Variants in MET observed in about 807,000 individuals in gnomAD.
MET encodes MET proto-oncogene, receptor tyrosine kinase.
MET carries 48 observed loss-of-function variants against 133.1 expected under a neutral mutation model. The observed-to-expected ratio is 0.36, with a 90% CI of 0.29 to 0.46. MET has a LOEUF of 0.46. MET is among the 20% of genes least tolerant of loss of function. The probability of loss-of-function intolerance (pLI) is 1.00; values close to 1 mark genes in which losing one functional copy is unlikely to be tolerated. For missense variants in MET, 1,442 were observed against 1,695.9 expected, an observed-to-expected ratio of 0.85 and a Z score of 2.63; for synonymous variants, 628 against 616.5, an observed-to-expected ratio of 1.02 and a Z score of -0.28.
At chr7:116,765,136 C>T (rs1794572259) in intron 11 of MET, among the ~76,000 whole-genome samples, 1 of 151,828 alleles carries the variant, frequency 6.6e-6, no homozygotes, top group African/African-American at 2.4e-5. Flanking sequence ...CCCATCTCCA[C>T]TAAAAATACA....
chr7:116,740,758 T>C (rs1793412194), intron 4 of MET, 94 bp from the exon 5 acceptor site: 2 of 1,470,898 alleles, frequency 1.4e-6, no homozygotes, highest in African/African-American at 2.8e-5. Context: ...TTCCATCAAA[T>C]GATATTTACA....
chr7:116,755,211 T>C (rs772210094), intron 5 of MET, 144 bp from the exon 6 acceptor site: 21 of 990,376 alleles, frequency 2.1e-5, no homozygotes, highest in Non-Finnish European at 3.1e-5. Flanking sequence ...TTCCCTTTAG[T>C]GAAAATTAAA....
intron 14 of MET, 34 bp downstream of exon 14, chr7:116,772,023 A>G (rs1218953889): frequency 1.2e-6 from 2 of 1,609,184 alleles, no homozygotes; most frequent in Non-Finnish European, 1.7e-6. Flanking sequence ...AGAAATACCT[A>G]TACATATACC....
At chr7:116,777,348 A>G in intron 15 of MET, 41 bp from the exon 16 acceptor site, 1 of 1,461,426 alleles carries the variant, frequency 6.8e-7, no homozygotes, top group South Asian at 1.1e-5. Flanking sequence ...TTTCATAATT[A>G]AATGTTACGC....
chr7:116,782,403 G>A (rs1056495021), intron 18 of MET, among the ~76,000 whole-genome samples: 7 of 152,178 alleles, frequency 4.6e-5, no homozygotes, highest in Non-Finnish European at 7.3e-5. Context: ...TGTTGGGGAG[G>A]GAGAATTTGA....
At chr7:116,767,972 ATATGTG>A (rs1333592944) in intron 11 of MET, among the ~76,000 whole-genome samples, 4 of 124,520 alleles carry the variant, frequency 3.2e-5, no homozygotes, top group Admixed American at 8.0e-5. Context: ...ATATATATAT[ATATGTG>A]TGTGTGTGTG....
intron 6 of MET, 110 bp from the exon 7 acceptor site, chr7:116,757,327 A>C (rs1212794811): frequency 1.2e-6 from 1 of 850,654 alleles, no homozygotes; most frequent in Non-Finnish European, 2.0e-6. Flanking sequence ...TCTGCTTGCT[A>C]TTCAAAGCAG....
At position 116,759,413 on chromosome 7, in the gene MET, G is replaced by A. The variant is rs2116937873; in HGVS notation, c.2287G>A (p.Val763Ile). ...FISGGSTITG[V>I]GKNLNSVSVP... ...CAGTGGTGGGAGCACAATAACAGGT[G>A]TTGGGAAAAACCTGAATTCAGTTAG... The change falls in exon 10 of 21, where the codon GTT (valine) becomes ATT (isoleucine). Residue 763 changes from valine to isoleucine, a missense_variant. Transcript: ENST00000397752. The A allele has an allele frequency of 6.2e-7, 1 of 1,613,758 alleles. No individual in the cohort carries two copies. The highest frequency in any genetic ancestry group is 2.2e-5 in the East Asian group (1 of 44,860).
At chr7:116,723,539 T>C (rs1562897980) in intron 2 of MET, among the ~76,000 whole-genome samples, 1 of 152,236 alleles carries the variant, frequency 6.6e-6, no homozygotes, top group Non-Finnish European at 1.5e-5. Flanking sequence ...CTGCGTTCCT[T>C]TGGAGGAGGA....
At chr7:116,702,848 C>A (rs527561428) in intron 2 of MET, among the ~76,000 whole-genome samples, 1 of 152,078 alleles carries the variant, frequency 6.6e-6, no homozygotes, top group Non-Finnish European at 1.5e-5. Context: ...CCACCATGTG[C>A]AAAAAGTGTT....
At chr7:116,767,332 C>T (rs1479431690) in intron 11 of MET, among the ~76,000 whole-genome samples, 2 of 152,220 alleles carry the variant, frequency 1.3e-5, no homozygotes, top group African/African-American at 2.4e-5. Flanking sequence ...CCTGATATAG[C>T]ACATTGGGAG....
At chr7:116,724,098 G>C (rs944239713) in intron 2 of MET, 15 of 175,414 alleles carry the variant, frequency 8.6e-5, no homozygotes, top group African/African-American at 3.4e-4. Flanking sequence ...GCCGCCTTGC[G>C]GTTTGATCTC....
At position 116,755,425 on chromosome 7, in the gene MET, G is replaced by T. The variant is rs775965879; in HGVS notation, c.1772G>T (p.Arg591Leu). The change falls in exon 6 of 21, where the codon CGG (arginine) becomes CTG (leucine). Residue 591 changes from arginine to leucine, a missense_variant. Physicochemically the swap from Arg to Leu is moderately radical, Grantham distance 102. Coordinates refer to ENST00000397752, the MANE Select transcript of MET (RefSeq NM_000245.4). ...ATATGTGGCTGGGACTTTGGATTTC[G>T]GAGGAATAATAAATTTGATTTAAAG... ...LTICGWDFGF[R>L]RNNKFDLKKT... 1.2e-6 allele frequency: 2 copies of T among 1,614,000 alleles called. No homozygotes were observed. The highest frequency in any genetic ancestry group is 8.5e-7 in the Non-Finnish European group (1 of 1,179,998).
At chr7:116,741,067 G>GTTTTTTTTTTTTTTTTGTTTGGTT in intron 5 of MET, 42 bp downstream of exon 5, 1 of 1,348,786 alleles carries the variant, frequency 7.4e-7, no homozygotes, top group East Asian at 2.5e-5. Flanking sequence ...TTTGTTTGGT[G>GTTTTTTTTTTTTTTTTGTTTGGTT]TTTTTTTTTT....
At chr7:116,678,067 C>T (rs1292761203) in intron 1 of MET, among the ~76,000 whole-genome samples, 2 of 152,148 alleles carry the variant, frequency 1.3e-5, no homozygotes, top group African/African-American at 2.4e-5. Context: ...AAATTCAAAA[C>T]ATGCACTGCC....
intron 1 of MET, among the ~76,000 whole-genome samples, chr7:116,690,156 A>T: frequency 6.6e-6 from 1 of 152,106 alleles, no homozygotes; most frequent in Non-Finnish European, 1.5e-5. Flanking sequence ...GCAGGCAAAA[A>T]CTGGCCAAAA....
chr7:116,767,685 A>G (rs1457667010), intron 11 of MET, among the ~76,000 whole-genome samples: 1 of 151,888 alleles, frequency 6.6e-6, no homozygotes, highest in East Asian at 1.9e-4. Flanking sequence ...CCCACATATT[A>G]CCATTTTAGT....
chr7:116,782,241 C>G lies in MET; in HGVS notation c.3632+144C>G, dbSNP rs548939428. 6.5e-5 allele frequency: 46 copies of G among 706,238 alleles called. No individual in the cohort carries two copies. In the African/African-American group the frequency reaches 6.7e-4, roughly 10 times the overall value. 43.7% of individuals were successfully genotyped at this position (706,238 alleles called of 1,614,324 possible). On this transcript the variant is annotated intron_variant, in intron 18 of 20. Coordinates refer to ENST00000397752, the MANE Select transcript of MET (RefSeq NM_000245.4). ...TTACAATCTTAAATCGATGTGTAAG[C>G]CCTGGGGATGTGGGTGGGACTTTCA... is the stretch of plus-strand genomic sequence containing the variant.
At chr7:116,773,381 T>C (rs548860509) in intron 14 of MET, among the ~76,000 whole-genome samples, 2 of 152,336 alleles carry the variant, frequency 1.3e-5, no homozygotes, top group East Asian at 3.9e-4. Context: ...ATGGTTTCAA[T>C]TGGTTTCTGC....
Sources: gnomAD v4.1 joint callset for allele counts (sites outside exome capture counted in the v4.1 genomes callset) on GRCh38, gnomAD v4.1.1 for gene constraint, MANE v1.5 for transcripts, NCBI Gene and HGNC (gene_info 2026-07-23, HGNC 2026-07-21) for gene names.